Variants in EBF2 observed in about 807,000 individuals in gnomAD.
EBF2 encodes the protein EBF transcription factor 2.
Under a neutral mutation model 72.8 loss-of-function variants are expected in EBF2, and 21 were observed. The ratio of observed to expected loss-of-function variants is 0.29; its 90% confidence interval spans 0.20 to 0.42. The LOEUF (loss-of-function observed/expected upper bound fraction) is 0.42. EBF2 is among the 10% of genes least tolerant of loss of function. The pLI, the probability that EBF2 is intolerant of heterozygous loss-of-function variation, is 1.00. For synonymous variants in EBF2, 299 were observed against 274.2 expected, an observed-to-expected ratio of 1.09 and a Z score of -0.89; for missense variants, 637 against 731.2, an observed-to-expected ratio of 0.87 and a Z score of 1.49.
chr8:25,897,543 T>C (rs1444938869), intron 7 of EBF2, among the ~76,000 whole-genome samples: 1 of 152,170 alleles, frequency 6.6e-6, no homozygotes, highest in Non-Finnish European at 1.5e-5. Context: ...TAATCCCTAG[T>C]GTCTATTACC....
intron 6 of EBF2, among the ~76,000 whole-genome samples, chr8:25,955,479 T>C (rs926476233): frequency 6.6e-6 from 1 of 152,170 alleles, no homozygotes; most frequent in African/African-American, 2.4e-5. Context: ...ATTAATAACC[T>C]AATAGAGATT....
intron 6 of EBF2, among the ~76,000 whole-genome samples, chr8:25,972,108 A>AC: frequency 6.6e-6 from 1 of 152,226 alleles, no homozygotes; most frequent in Non-Finnish European, 1.5e-5. Flanking sequence ...GTTCCCCGGA[A>AC]TGCAAAGGGA....
chr8:25,928,283 A>G (rs967242001), intron 6 of EBF2, among the ~76,000 whole-genome samples: 10 of 152,194 alleles, frequency 6.6e-5, no homozygotes, highest in East Asian at 1.9e-4. Flanking sequence ...CAGGAATTGA[A>G]GAACCTCTTA....
chr8:26,037,008 T>C (rs1210607278), intron 5 of EBF2, among the ~76,000 whole-genome samples: 1 of 152,236 alleles, frequency 6.6e-6, no homozygotes, highest in East Asian at 1.9e-4. Context: ...GTGCTCTTTT[T>C]TCCTAATGAA....
At chr8:25,958,811 A>G (rs1324591046) in intron 6 of EBF2, among the ~76,000 whole-genome samples, 1 of 152,196 alleles carries the variant, frequency 6.6e-6, no homozygotes, top group Non-Finnish European at 1.5e-5. Context: ...GCCCAGGAGA[A>G]CTTTTCCCCA....
chr8:26,005,552 AT>A lies in EBF2; in HGVS notation c.551+27532del, dbSNP rs1216507399. 6.9e-3 allele frequency among the ~76,000 whole-genome samples: 284 copies of A among 41,296 alleles called. 3 individuals carry two copies. The highest frequency in any genetic ancestry group is 9.8e-3 in the South Asian group (17 of 1,736). 27.1% of individuals were successfully genotyped at this position (41,296 alleles called of 152,430 possible). A position where few individuals can be genotyped will look rare whatever the true frequency, so the allele number is the denominator to read the frequency against. On this transcript the variant is annotated intron_variant, in intron 6 of 15. Coordinates refer to ENST00000520164, the MANE Select transcript of EBF2 (RefSeq NM_022659.4). ...TATATTATATATATTTTATATATAT[AT>A]ATATATATAGAGAGAGAGAGAGAGA...
At chr8:25,924,539 G>A (rs1235052273) in intron 6 of EBF2, among the ~76,000 whole-genome samples, 1 of 152,170 alleles carries the variant, frequency 6.6e-6, no homozygotes, top group Non-Finnish European at 1.5e-5. Flanking sequence ...ATTACATCAG[G>A]AAGGAATCCA....
chr8:25,862,659 C>G (rs1802231274), intron 11 of EBF2, 50 bp downstream of exon 11: 2 of 1,471,290 alleles, frequency 1.4e-6, no homozygotes, highest in Non-Finnish European at 1.8e-6. Context: ...TCTAAGTTTC[C>G]TGAAATTCTA....
chr8:25,963,326 A>C (rs1420880909), intron 6 of EBF2, among the ~76,000 whole-genome samples: 1 of 152,190 alleles, frequency 6.6e-6, no homozygotes, highest in Admixed American at 6.5e-5. Context: ...TTTAGCTGCA[A>C]GATCTTCATG....
intron 6 of EBF2, 184 bp downstream of exon 6, chr8:26,032,901 C>T: frequency 5.0e-6 from 3 of 594,768 alleles, no homozygotes; most frequent in Non-Finnish European, 9.0e-6. Flanking sequence ...GACACGTGTT[C>T]CAAAGGAAGA....
intron 5 of EBF2, among the ~76,000 whole-genome samples, chr8:26,039,232 T>G (rs1217394471): frequency 6.6e-6 from 1 of 151,218 alleles, no homozygotes; most frequent in East Asian, 1.9e-4. Flanking sequence ...TAAACTTTCT[T>G]CTAGTCAGGC....
chr8:25,886,618 A>T, intron 10 of EBF2, 137 bp downstream of exon 10: 1 of 1,039,072 alleles, frequency 9.6e-7, no homozygotes, highest in Non-Finnish European at 1.4e-6. Flanking sequence ...ACCATTCAAC[A>T]TCTATCACTC....
At chr8:26,011,992 A>T (rs1468819190) in intron 6 of EBF2, among the ~76,000 whole-genome samples, 2 of 152,078 alleles carry the variant, frequency 1.3e-5, no homozygotes, top group Non-Finnish European at 2.9e-5. Flanking sequence ...GAAAGACCCG[A>T]AGTCTGAGAA....
At chr8:25,962,616 C>T (rs1001086650) in intron 6 of EBF2, among the ~76,000 whole-genome samples, 1 of 151,964 alleles carries the variant, frequency 6.6e-6, no homozygotes, top group Non-Finnish European at 1.5e-5. Flanking sequence ...CTCTATTCAC[C>T]AGCAGCCAAA....
Position 26,012,794 on chromosome 8 carries a change from TAC to T in EBF2, c.551+20289_551+20290del, listed in dbSNP as rs149101103. On this transcript the variant is annotated intron_variant, in intron 6 of 15. Transcript: ENST00000520164. ...CTCCTTGCTCACAGCATGTGCCATGTACACTCAGCAGCCCCATACCGTTGACC... is the reference window on the plus strand; with the variant it reads ...CTCCTTGCTCACAGCATGTGCCATGTACTCAGCAGCCCCATACCGTTGACC... 3.6e-3 allele frequency among the ~76,000 whole-genome samples: 543 copies of T among 152,326 alleles called. 2 individuals carry two copies. Among genetic ancestry groups the T allele is most frequent in the African/African-American group, 0.013 (524 of 41,574 alleles).
intron 6 of EBF2, among the ~76,000 whole-genome samples, chr8:25,975,187 C>T (rs964306597): frequency 9.2e-5 from 14 of 152,180 alleles, no homozygotes; most frequent in African/African-American, 3.4e-4. Context: ...CGCTGAAAAT[C>T]ACATCCTCTG....
intron 7 of EBF2, among the ~76,000 whole-genome samples, chr8:25,905,903 C>T (rs762938748): frequency 5.9e-5 from 9 of 152,272 alleles, no homozygotes; most frequent in East Asian, 3.9e-4. Flanking sequence ...TGAAATAAGA[C>T]AATCAGAGAA....
chr8:26,039,707 C>CA (rs1419565917), intron 5 of EBF2, among the ~76,000 whole-genome samples: 1 of 152,218 alleles, frequency 6.6e-6, no homozygotes, highest in East Asian at 1.9e-4. Flanking sequence ...CAGCCGATCC[C>CA]AAACCCGGCC....
chr8:25,923,547 G>A lies in EBF2; in HGVS notation c.552-14992C>T, dbSNP rs138910441. On this transcript the variant is annotated intron_variant, in intron 6 of 15. Coordinates refer to ENST00000520164, the MANE Select transcript of EBF2 (RefSeq NM_022659.4). ...ATATGTCTATAAAAAAGCAGATTTC[G>A]TCACTCCTAGTGATAAGCCTGCTTC... is the stretch of plus-strand genomic sequence containing the variant. Among the ~76,000 whole-genome samples the A allele has an allele frequency of 2.4e-3, 359 of 152,252 alleles. 2 individuals carry two copies. Among genetic ancestry groups the A allele is most frequent in the African/African-American group, 8.0e-3 (333 of 41,548 alleles).
Sources: allele counts gnomAD v4.1 joint callset (sites outside exome capture counted in the v4.1 genomes callset), GRCh38; gene constraint gnomAD v4.1.1; transcripts MANE v1.5; gene names NCBI Gene and HGNC (gene_info 2026-07-23, HGNC 2026-07-21).